SASH1: variants seen among roughly 807,000 people sequenced by gnomAD.
The protein encoded by SASH1 is SAM and SH3 domain-containing protein 1.
SASH1 carries 44 observed loss-of-function variants against 125.2 expected under a neutral mutation model. That is an observed-to-expected ratio of 0.35 (90% CI 0.28 to 0.45). SASH1 has a LOEUF of 0.45. Among genes scored for constraint, SASH1 ranks in the 20% least tolerant of loss-of-function variants. SASH1 has a pLI of 1.00. For synonymous variants in SASH1, 639 were observed against 649.1 expected (o/e 0.98, Z 0.24); for missense variants, 1,426 against 1,614.5 (o/e 0.88, Z 2.00).
At chr6:148,435,129 G>A (rs34408488) in intron 2 of SASH1, among the ~76,000 whole-genome samples, 6,786 of 152,186 alleles carry the variant, frequency 0.045, 202 homozygotes, top group East Asian at 0.076. Context: ...TTGGGAGGCC[G>A]AAGTGGATGG....
chr6:148,376,969 G>T (rs1346091065), intron 1 of SASH1, among the ~76,000 whole-genome samples: 2 of 151,254 alleles, frequency 1.3e-5, no homozygotes, highest in Non-Finnish European at 2.9e-5. Flanking sequence ...AGGAGATCGA[G>T]ACCATCCCGG....
At chr6:148,264,011 G>A in the SASH1 span, among the ~76,000 whole-genome samples, 36 of 152,174 alleles carry the variant, frequency 2.4e-4, no homozygotes, top group Admixed American at 4.6e-4. Context: ...ATTGTTACCT[G>A]TACAAAACCA....
In SASH1 at chr6:148,498,946, G is replaced by A. The variant is rs78166337; in HGVS notation, c.729+11231G>A. ...TATTCGTAAGTAGAATTTAGACTGCGGGCCATCTCCAACCTAAGCCTGCTT... is the reference window on the plus strand; with the variant it reads ...TATTCGTAAGTAGAATTTAGACTGCAGGCCATCTCCAACCTAAGCCTGCTT... On this transcript the variant is annotated intron_variant, in intron 8 of 19. Transcript: ENST00000367467. Among the ~76,000 whole-genome samples the A allele has an allele frequency of 3.8e-3, 575 of 152,194 alleles. 1 individual carries two copies. Among genetic ancestry groups the A allele is most frequent in the African/African-American group, 0.013 (549 of 41,526 alleles).
intron 8 of SASH1, among the ~76,000 whole-genome samples, chr6:148,500,330 A>G (rs549755334): frequency 1.3e-5 from 2 of 151,430 alleles, no homozygotes; most frequent in East Asian, 3.9e-4. Context: ...TGTGGTCTTC[A>G]TTGGGATAGC....
At chr6:148,219,139 A>G in the SASH1 span, among the ~76,000 whole-genome samples, 3 of 152,120 alleles carry the variant, frequency 2.0e-5, no homozygotes, top group Non-Finnish European at 1.5e-5. Context: ...GAGCCTTCCT[A>G]GGAATCAAAC....
chr6:148,523,570 G>A (rs1489189683), intron 10 of SASH1, among the ~76,000 whole-genome samples: 2 of 152,214 alleles, frequency 1.3e-5, no homozygotes, highest in Admixed American at 6.5e-5. Flanking sequence ...AGCAGCAGCA[G>A]CAGCATCGGT....
At chr6:148,417,445 T>C (rs1784869928) in intron 2 of SASH1, among the ~76,000 whole-genome samples, 1 of 151,966 alleles carries the variant, frequency 6.6e-6, no homozygotes. Context: ...AATAGCTGGG[T>C]GTGGTGGCAT....
At chr6:148,279,959 C>G (rs1779290648) in intron 1 of SASH1, among the ~76,000 whole-genome samples, 2 of 150,874 alleles carry the variant, frequency 1.3e-5, no homozygotes, top group Admixed American at 6.6e-5. Context: ...TGCACTCCAG[C>G]CTGGGTGGCA....
intron 8 of SASH1, among the ~76,000 whole-genome samples, chr6:148,511,573 T>C (rs1780142428): frequency 6.6e-6 from 1 of 152,094 alleles, no homozygotes; most frequent in Non-Finnish European, 1.5e-5. Flanking sequence ...CAAAGAAGTA[T>C]AATTCAAAGG....
chr6:148,235,874 A>G, the SASH1 span, among the ~76,000 whole-genome samples: 1 of 152,234 alleles, frequency 6.6e-6, no homozygotes. Flanking sequence ...AAAGTCAATC[A>G]AACCTTATCG....
chr6:148,364,236 T>G (rs1782361436), intron 1 of SASH1, among the ~76,000 whole-genome samples: 1 of 152,042 alleles, frequency 6.6e-6, no homozygotes, highest in Admixed American at 6.6e-5. Context: ...ATTAAGAAAC[T>G]TCTTATTAGC....
intron 1 of SASH1, among the ~76,000 whole-genome samples, chr6:148,389,092 A>G (rs1038127601): frequency 1.3e-5 from 2 of 152,170 alleles, no homozygotes; most frequent in Admixed American, 1.3e-4. Context: ...TTAGGAATCC[A>G]TTGCTCTAAA....
At chr6:148,351,140 T>G (rs747802884) in intron 1 of SASH1, among the ~76,000 whole-genome samples, 1 of 150,130 alleles carries the variant, frequency 6.7e-6, no homozygotes, top group African/African-American at 2.4e-5. Flanking sequence ...ACTCTGAGAC[T>G]CAGAAGACAA....
intron 7 of SASH1, among the ~76,000 whole-genome samples, chr6:148,478,072 T>C (rs1261523934): frequency 6.6e-6 from 1 of 152,140 alleles, no homozygotes; most frequent in South Asian, 2.1e-4. Context: ...CCCTCATATA[T>C]TGTTGATGGG....
intron 8 of SASH1, among the ~76,000 whole-genome samples, chr6:148,490,370 A>G (rs1238895358): frequency 6.6e-6 from 1 of 151,990 alleles, no homozygotes; most frequent in East Asian, 1.9e-4. Flanking sequence ...TCCCGCACTC[A>G]GCTAAGTTTT....
chr6:148,394,643 C>A lies in SASH1; in HGVS notation c.285+4381C>A, dbSNP rs118180416. The stretch of plus-strand genomic sequence containing the variant: ...TTTCTCTCTTTCTCTATCTCTCTCT[C>A]TTTCTTTCTTTCTTTTTTGAGATGG... On this transcript the variant is annotated intron_variant, in intron 2 of 19. Transcript: ENST00000367467. Among the ~76,000 whole-genome samples the A allele has an allele frequency of 4.6e-5, 7 of 152,152 alleles. No homozygotes were observed. The East Asian group carries it at 1.4e-3, about 29-fold the overall frequency.
At chr6:148,302,657 A>ATG (rs1161405028) in intron 1 of SASH1, among the ~76,000 whole-genome samples, 1 of 58,260 alleles carries the variant, frequency 1.7e-5, no homozygotes, top group Non-Finnish European at 3.5e-5. Flanking sequence ...GTGTGTGTAT[A>ATG]TATATACACA....
the SASH1 span, among the ~76,000 whole-genome samples, chr6:148,208,854 A>G: frequency 6.6e-6 from 1 of 152,256 alleles, no homozygotes; most frequent in Non-Finnish European, 1.5e-5. Context: ...ACTAATAAGA[A>G]TAAATCCTAA....
intron 1 of SASH1, among the ~76,000 whole-genome samples, chr6:148,300,195 A>T (rs780679102): frequency 6.6e-6 from 1 of 152,240 alleles, no homozygotes; most frequent in Non-Finnish European, 1.5e-5. Flanking sequence ...TCCTTTCATT[A>T]GTATGATCAG....
Sources: gnomAD v4.1 joint callset for allele counts (sites outside exome capture counted in the v4.1 genomes callset) on GRCh38, gnomAD v4.1.1 for gene constraint, MANE v1.5 for transcripts, NCBI Gene and HGNC (gene_info 2026-07-23, HGNC 2026-07-21) for gene names.